The following ATRNL1 variants were observed in gnomAD, a reference collection of about 807,000 sequenced individuals.
The protein encoded by ATRNL1 is attractin like 1.
In ATRNL1, 95 loss-of-function variants were observed where a neutral mutation model predicts 182.7. That is an observed-to-expected ratio of 0.52 (90% CI 0.44 to 0.62). The LOEUF is 0.62. Ranked by LOEUF, ATRNL1 falls within the 20% of genes least tolerant of loss-of-function variation. ATRNL1 has a pLI of 0.00. For synonymous variants in ATRNL1, 576 were observed against 568.3 expected, an observed-to-expected ratio of 1.01 and a Z score of -0.19; for missense variants, 1,471 against 1,679.5, an observed-to-expected ratio of 0.88 and a Z score of 2.17.
chr10:115,112,685 G>T (rs565864182), intron 1 of ATRNL1, among the ~76,000 whole-genome samples: 7 of 152,214 alleles, frequency 4.6e-5, no homozygotes, highest in African/African-American at 1.7e-4. Flanking sequence ...TTTATAAATG[G>T]GTAACTCATT....
intron 28 of ATRNL1, among the ~76,000 whole-genome samples, chr10:115,867,174 T>C (rs545795521): frequency 6.6e-6 from 1 of 152,202 alleles, no homozygotes; most frequent in Non-Finnish European, 1.5e-5. Context: ...TTTAAGAAAG[T>C]GTTAATGTTG....
rs995034692 is a variant in ATRNL1 at position 115,636,375 on chromosome 10, C to G, written c.3795+86839C>G. 8.5e-5 allele frequency among the ~76,000 whole-genome samples: 13 copies of G among 152,158 alleles called. No individual in the cohort carries two copies. The South Asian group carries it at 2.7e-3, about 32-fold the overall frequency. ...CCCTGGAAAATCCCTTCCATTCTTC[C>G]CAGGTAACACCAGTATGTACCAGTG... On this transcript the variant is annotated intron_variant, in intron 26 of 28. Transcript: ENST00000355044.
chr10:115,551,589 G>A (rs373374637), intron 26 of ATRNL1, among the ~76,000 whole-genome samples: 31 of 151,278 alleles, frequency 2.0e-4, no homozygotes, highest in South Asian at 4.1e-4. Context: ...TACTGCTTCC[G>A]AAAAAGAAAA....
At chr10:115,110,607 G>A (rs1486685934) in intron 1 of ATRNL1, among the ~76,000 whole-genome samples, 2 of 152,172 alleles carry the variant, frequency 1.3e-5, no homozygotes, top group Non-Finnish European at 2.9e-5. Flanking sequence ...CTATAGAACT[G>A]TGAGATAATA....
chr10:115,697,852 C>T (rs1294651433), intron 26 of ATRNL1, among the ~76,000 whole-genome samples: 1 of 152,120 alleles, frequency 6.6e-6, no homozygotes, highest in African/African-American at 2.4e-5. Flanking sequence ...CTATCCTGTA[C>T]TTGGCTGTCC....
intron 26 of ATRNL1, among the ~76,000 whole-genome samples, chr10:115,724,195 A>G (rs12264449): frequency 0.046 from 6,963 of 152,246 alleles, 489 homozygotes; most frequent in African/African-American, 0.15. Flanking sequence ...AAAATACGAT[A>G]CAGTTTTTCC....
intron 8 of ATRNL1, among the ~76,000 whole-genome samples, chr10:115,211,573 T>A (rs1226405807): frequency 6.6e-6 from 1 of 152,014 alleles, no homozygotes; most frequent in Non-Finnish European, 1.5e-5. Flanking sequence ...ATCTGTAAGT[T>A]TATGTCTTTT....
At position 115,486,850 on chromosome 10, in the gene ATRNL1, C is replaced by A. The variant is rs147457631; in HGVS notation, c.3654+17521C>A. 7.4e-3 allele frequency among the ~76,000 whole-genome samples: 1,131 copies of A among 152,190 alleles called. 4 individuals are homozygous for A. Among genetic ancestry groups the A allele is most frequent in the Middle Eastern group, 0.017 (5 of 294 alleles). ...TGAATGGTATTGCCCAGGTTTTCTT[C>A]TAGGGTTTTTATGGTTTTAGGTCTT... On this transcript the variant is annotated intron_variant, in intron 24 of 28. Coordinates refer to ENST00000355044, the MANE Select transcript of ATRNL1 (RefSeq NM_207303.4).
At chr10:115,692,450 T>TC (rs1464681239) in intron 26 of ATRNL1, among the ~76,000 whole-genome samples, 1 of 152,114 alleles carries the variant, frequency 6.6e-6, no homozygotes, top group Non-Finnish European at 1.5e-5. Context: ...CATATACTGT[T>TC]CTAGGTACAT....
At chr10:115,723,624 C>G (rs1477750840) in intron 26 of ATRNL1, among the ~76,000 whole-genome samples, 2 of 152,046 alleles carry the variant, frequency 1.3e-5, no homozygotes, top group East Asian at 3.9e-4. Flanking sequence ...TCTCAGCTCA[C>G]TGCAACCTCC....
intron 26 of ATRNL1, among the ~76,000 whole-genome samples, chr10:115,701,827 T>G (rs10885774): frequency 0.37 from 56,732 of 151,414 alleles, 11,460 homozygotes; most frequent in East Asian, 0.58. Context: ...ACCAAAAAAA[T>G]CCCTGGGCCA....
At chr10:115,321,064 T>C (rs1255274068) in intron 18 of ATRNL1, among the ~76,000 whole-genome samples, 1 of 152,172 alleles carries the variant, frequency 6.6e-6, no homozygotes, top group Admixed American at 6.5e-5. Flanking sequence ...TTGAGGCTGT[T>C]TACCCTTGGA....
At chr10:115,497,785 GTAGCTGTGAT>G (rs1261406009) in intron 24 of ATRNL1, among the ~76,000 whole-genome samples, 1 of 151,894 alleles carries the variant, frequency 6.6e-6, no homozygotes, top group African/African-American at 2.4e-5. Context: ...AGCCTCCCGA[GTAGCTGTGAT>G]TAGGGGCATG....
chr10:115,382,692 C>CTTTTTTTTTTTTTTTTTTTT (rs34063669), intron 19 of ATRNL1, among the ~76,000 whole-genome samples: 2 of 114,288 alleles, frequency 1.7e-5, no homozygotes, highest in Non-Finnish European at 3.8e-5. Flanking sequence ...CTGTTCTTTG[C>CTTTTTTTTTTTTTTTTTTTT]TTTTTTTTTT....
intron 19 of ATRNL1, among the ~76,000 whole-genome samples, chr10:115,377,033 T>C (rs665785): frequency 0.96 from 146,567 of 152,228 alleles, 70,609 homozygotes; most frequent in East Asian, 1. Context: ...CTGTCATATT[T>C]TGTAGCTCTT....
intron 24 of ATRNL1, among the ~76,000 whole-genome samples, chr10:115,511,594 T>C (rs1554982701): frequency 2.6e-5 from 4 of 152,006 alleles, no homozygotes; most frequent in African/African-American, 9.6e-5. Flanking sequence ...AATTTATCTT[T>C]CATAAAATAA....
intron 21 of ATRNL1, among the ~76,000 whole-genome samples, chr10:115,457,107 G>A (rs1847561357): frequency 6.6e-6 from 1 of 152,080 alleles, no homozygotes; most frequent in Non-Finnish European, 1.5e-5. Context: ...TCGTGACCAT[G>A]AGGAATAAGG....
chr10:115,583,002 A>T lies in ATRNL1; in HGVS notation c.3795+33466A>T, dbSNP rs1389679517. On this transcript the variant is annotated intron_variant, in intron 26 of 28. Coordinates refer to ENST00000355044, the MANE Select transcript of ATRNL1 (RefSeq NM_207303.4). ...TCCCAGCACCATTTATTAAATAGGG[A>T]ATCCTTTCCCCATTGCTCGTTTTTC... is the stretch of plus-strand genomic sequence containing the variant. Among the ~76,000 whole-genome samples the T allele has an allele frequency of 4.1e-5, 6 of 145,532 alleles. No homozygotes were observed. The East Asian group carries it at 1.4e-3, about 33-fold the overall frequency.
At chr10:115,413,679 T>G (rs915257027) in intron 20 of ATRNL1, among the ~76,000 whole-genome samples, 2 of 152,112 alleles carry the variant, frequency 1.3e-5, no homozygotes, top group African/African-American at 4.8e-5. Flanking sequence ...ACACCTATCA[T>G]TTTGTGAATA....
Sources: allele counts gnomAD v4.1 joint callset (sites outside exome capture counted in the v4.1 genomes callset), GRCh38; gene constraint gnomAD v4.1.1; transcripts MANE v1.5; gene names NCBI Gene and HGNC (gene_info 2026-07-23, HGNC 2026-07-21).